The following C8A variants were observed in gnomAD, a reference collection of about 807,000 sequenced individuals.
The protein encoded by C8A is complement C8 alpha chain.
Under a neutral mutation model 65.3 loss-of-function variants are expected in C8A, and 67 were observed. That is an observed-to-expected ratio of 1.03 (90% CI 0.84 to 1.26). The LOEUF (loss-of-function observed/expected upper bound fraction) is 1.26. Ranked by LOEUF, C8A falls within the 50% of genes most tolerant of loss-of-function variation. C8A has a pLI of 0.00. For missense variants in C8A, 781 were observed against 723.9 expected, an observed-to-expected ratio of 1.08 and a Z score of -0.90; for synonymous variants, 290 against 259.4, an observed-to-expected ratio of 1.12 and a Z score of -1.13.
At position 56,876,099 on chromosome 1, in the gene C8A, C is replaced by T. The variant is rs1280435150; in HGVS notation, c.354C>T (p.Asp118=). ...CLKRHLVCNG[D]QDCLDGSDED... Reference sequence around the variant, plus strand: ...AACGCCACCTTGTGTGTAATGGAGACCAGGACTGCCTTGATGGCTCTGATG... The same window carrying T: ...AACGCCACCTTGTGTGTAATGGAGATCAGGACTGCCTTGATGGCTCTGATG... Residue 118 remains aspartate, a synonymous_variant, in exon 4 of 11, where the codon GAC becomes GAT. Coordinates refer to ENST00000361249, the MANE Select transcript of C8A (RefSeq NM_000562.3). 1.9e-6 allele frequency: 3 copies of T among 1,613,778 alleles called. No individual in the cohort carries two copies. Among genetic ancestry groups the T allele is most frequent in the Non-Finnish European group, 2.5e-6 (3 of 1,179,860 alleles).
rs890729863 is a variant in C8A, at chr1:56,899,002, C to T, written c.1097-7665C>T. Among the ~76,000 whole-genome samples the T allele has an allele frequency of 1.8e-4, 28 of 152,238 alleles. 1 individual carries two copies. The highest frequency in any genetic ancestry group is 1.7e-3 in the Admixed American group (26 of 15,292). On this transcript the variant is annotated intron_variant, in intron 7 of 10. Coordinates refer to ENST00000361249, the MANE Select transcript of C8A (RefSeq NM_000562.3). ...ATTTATTTATTTATTTTTGCTCCTG[C>T]TAACCAACCAGTCACCCGAACAGAC...
chr1:56,893,886 A>T (rs1247384296), intron 7 of C8A, among the ~76,000 whole-genome samples: 1 of 152,188 alleles, frequency 6.6e-6, no homozygotes, highest in East Asian at 1.9e-4. Flanking sequence ...CCACAGACAA[A>T]TTAGTTTACC....
chr1:56,914,250 C>T (rs771286706), intron 10 of C8A, among the ~76,000 whole-genome samples: 1 of 152,036 alleles, frequency 6.6e-6, no homozygotes, highest in Non-Finnish European at 1.5e-5. Flanking sequence ...GGGATTAGGG[C>T]TTAATGAGGG....
chr1:56,913,511 G>A (rs1644526749), intron 10 of C8A, among the ~76,000 whole-genome samples: 1 of 152,206 alleles, frequency 6.6e-6, no homozygotes, highest in African/African-American at 2.4e-5. Context: ...GGACTTGGAT[G>A]TGAATCCCAG....
At chr1:56,900,668 A>G (rs1176559695) in intron 7 of C8A, among the ~76,000 whole-genome samples, 1 of 152,206 alleles carries the variant, frequency 6.6e-6, no homozygotes, top group Non-Finnish European at 1.5e-5. Context: ...ATGAGATATT[A>G]CAAAACTGTG....
chr1:56,892,217 C>T (rs896438985), intron 7 of C8A, among the ~76,000 whole-genome samples: 8 of 152,022 alleles, frequency 5.3e-5, no homozygotes, highest in Non-Finnish European at 1.0e-4. Flanking sequence ...ACCCTTCAAG[C>T]GTTTCTTCCT....
At chr1:56,912,863 C>T (rs1451860201) in intron 10 of C8A, among the ~76,000 whole-genome samples, 2 of 152,172 alleles carry the variant, frequency 1.3e-5, no homozygotes, top group Admixed American at 1.3e-4. Context: ...ATATGGACAA[C>T]AGGATTCATT....
chr1:56,917,287 C>T (rs969372122), intron 10 of C8A, among the ~76,000 whole-genome samples: 10 of 152,244 alleles, frequency 6.6e-5, no homozygotes, highest in Admixed American at 3.3e-4. Context: ...TCAGTAGCAG[C>T]TCTGCAACTC....
At chr1:56,883,792 G>A (rs1367500915) in intron 6 of C8A, 111 bp downstream of exon 6, 11 of 924,980 alleles carry the variant, frequency 1.2e-5, no homozygotes, top group African/African-American at 3.3e-5. Flanking sequence ...ATTTGCTTGT[G>A]TAATTGGAAA....
intron 10 of C8A, among the ~76,000 whole-genome samples, chr1:56,915,783 A>C (rs1375261643): frequency 6.6e-6 from 1 of 152,144 alleles, no homozygotes; most frequent in Admixed American, 6.5e-5. Flanking sequence ...TGGACCCGGG[A>C]CCCAATCTCT....
intron 8 of C8A, among the ~76,000 whole-genome samples, chr1:56,907,556 C>T (rs888818521): frequency 6.6e-6 from 1 of 152,192 alleles, no homozygotes; most frequent in African/African-American, 2.4e-5. Flanking sequence ...TTTCACTGTG[C>T]CCACATTGAG....
chr1:56,905,870 T>C (rs1644460558), intron 7 of C8A, among the ~76,000 whole-genome samples: 2 of 152,242 alleles, frequency 1.3e-5, no homozygotes, highest in African/African-American at 2.4e-5. Context: ...TTGCCAGGCA[T>C]ACCTAGGGTT....
At chr1:56,862,164 G>C (rs1644040625) in intron 1 of C8A, among the ~76,000 whole-genome samples, 1 of 152,164 alleles carries the variant, frequency 6.6e-6, no homozygotes, top group South Asian at 2.1e-4. Flanking sequence ...TGCCAGGCTT[G>C]TGCTCGAGAT....
In C8A at chr1:56,874,982, T is replaced by G. The variant is rs776244708; in HGVS notation, c.205T>G (p.Phe69Val). The G allele has an allele frequency of 6.3e-5, 101 of 1,613,584 alleles. No homozygotes were observed. In the Middle Eastern group the frequency reaches 8.3e-4, roughly 13 times the overall value. The change falls in exon 3 of 11, where the codon TTT (phenylalanine) becomes GTT (valine). Residue 69 changes from phenylalanine to valine, a missense_variant. Phe to Val is a conservative substitution (Grantham distance 50). Coordinates refer to ENST00000361249, the MANE Select transcript of C8A (RefSeq NM_000562.3). Reference sequence around the variant, plus strand: ...CCGGAGCCTCTTGCAGCCAAACAAGTTTGGGGGAACCATCTGCAGTGGTGA... The same window carrying G: ...CCGGAGCCTCTTGCAGCCAAACAAGGTTGGGGGAACCATCTGCAGTGGTGA... The part of the protein sequence containing the change: ...RHRSLLQPNK[F>V]GGTICSGDIW...
intron 6 of C8A, among the ~76,000 whole-genome samples, chr1:56,884,032 C>G (rs1371619479): frequency 1.3e-5 from 2 of 150,490 alleles, no homozygotes; most frequent in African/African-American, 2.5e-5. Flanking sequence ...TAAAGCAAGC[C>G]TTGCTTTTCC....
At chr1:56,870,229 C>A (rs1264859989) in intron 2 of C8A, among the ~76,000 whole-genome samples, 1 of 152,042 alleles carries the variant, frequency 6.6e-6, no homozygotes, top group Non-Finnish European at 1.5e-5. Context: ...TCAGCAGAGC[C>A]ATGCTCCCTC....
chr1:56,897,632 C>T (rs189095684), intron 7 of C8A, among the ~76,000 whole-genome samples: 1 of 152,270 alleles, frequency 6.6e-6, no homozygotes, highest in East Asian at 1.9e-4. Flanking sequence ...GTGGGAAAGA[C>T]ATTTAATCAA....
chr1:56,885,849 G>T, intron 6 of C8A, 78 bp from the exon 7 acceptor site: 1 of 1,600,104 alleles, frequency 6.2e-7, no homozygotes, highest in South Asian at 1.1e-5. Flanking sequence ...TGCACCCAGA[G>T]ACCTTTTGCA....
intron 1 of C8A, among the ~76,000 whole-genome samples, chr1:56,866,293 A>T (rs1644087798): frequency 6.6e-6 from 1 of 152,242 alleles, no homozygotes; most frequent in Admixed American, 6.5e-5. Context: ...GTAACATGTA[A>T]TAGGTTTGTT....
Sources: allele counts gnomAD v4.1 joint callset (sites outside exome capture counted in the v4.1 genomes callset), GRCh38; gene constraint gnomAD v4.1.1; transcripts MANE v1.5; gene names NCBI Gene and HGNC (gene_info 2026-07-23, HGNC 2026-07-21).